The following TCF12 variants were observed in gnomAD, a reference collection of about 807,000 sequenced individuals.
The protein encoded by TCF12 is transcription factor 12.
A neutral mutation model predicts 86.0 loss-of-function variants in TCF12; 45 were observed. The observed-to-expected ratio is 0.52, with a 90% CI of 0.41 to 0.67. TCF12 has a LOEUF of 0.67. TCF12 is among the 30% of genes least tolerant of loss of function. TCF12 has a pLI of 0.00. For synonymous variants in TCF12, 330 were observed against 299.6 expected (o/e 1.10, Z -1.05); for missense variants, 881 against 859.9 (o/e 1.02, Z -0.31).
chr15:57,170,682 TATATATAATATATATTATATATA>T (rs1567558080), intron 6 of TCF12, among the ~76,000 whole-genome samples: 236 of 13,018 alleles, frequency 0.018, 3 homozygotes, highest in Admixed American at 0.028. Flanking sequence ...TATAATATAT[TATATATAATATATATTATATATA>T]ATATATAATA....
chr15:57,182,574 A>G (rs1306104629), intron 6 of TCF12, among the ~76,000 whole-genome samples: 1 of 152,152 alleles, frequency 6.6e-6, no homozygotes, highest in Non-Finnish European at 1.5e-5. Context: ...ATGGATCATG[A>G]TACAGACTAA....
At chr15:57,168,146 TA>T (rs199522052) in intron 6 of TCF12, among the ~76,000 whole-genome samples, 1 of 151,100 alleles carries the variant, frequency 6.6e-6, no homozygotes, top group Non-Finnish European at 1.5e-5. Context: ...ATTGCATCTC[TA>T]AAAAAAAATA....
Position 57,148,945 on chromosome 15 carries a change from G to A in TCF12, c.326-17457G>A, listed in dbSNP as rs188288374. Among the ~76,000 whole-genome samples, 12 of 152,252 alleles carry A rather than the reference G, an allele frequency of 7.9e-5. 1 individual carries two copies. The highest frequency in any genetic ancestry group is 4.6e-4 in the Admixed American group (7 of 15,302). On this transcript the variant is annotated intron_variant, in intron 5 of 20. Transcript: ENST00000333725. ...ACAACAACGTGACCAGTTTTCCCACGTGAGACGGGTCTAGGTGTAGTCTTA... is the reference window on the plus strand; with the variant it reads ...ACAACAACGTGACCAGTTTTCCCACATGAGACGGGTCTAGGTGTAGTCTTA...
chr15:57,011,716 C>G (rs2064841376), intron 3 of TCF12, among the ~76,000 whole-genome samples: 1 of 152,100 alleles, frequency 6.6e-6, no homozygotes, highest in Non-Finnish European at 1.5e-5. Context: ...ATGCTAATTA[C>G]AGGACCCCCC....
intron 3 of TCF12, among the ~76,000 whole-genome samples, chr15:56,963,027 C>CTTTTTT (rs532973260): frequency 1.0e-5 from 1 of 96,232 alleles, no homozygotes; most frequent in African/African-American, 3.7e-5. Context: ...GTGTTAAGGT[C>CTTTTTT]TTTTTTTTTT....
At chr15:57,232,184 A>G in intron 9 of TCF12, 107 bp from the exon 10 acceptor site, 1 of 1,247,524 alleles carries the variant, frequency 8.0e-7, no homozygotes, top group Non-Finnish European at 1.1e-6. Context: ...AGGTTGGAAA[A>G]GGGAGGAAAA....
In TCF12 at chr15:56,937,561, G is replaced by A. The variant is rs189906527; in HGVS notation, c.148+16463G>A. Reference sequence around the variant, plus strand: ...GCCCTTTTTCTTTCTTTCTCTTGTCGGGTTCTCTGGCTAGGACTATATTGA... The same window carrying A: ...GCCCTTTTTCTTTCTTTCTCTTGTCAGGTTCTCTGGCTAGGACTATATTGA... On this transcript the variant is annotated intron_variant, in intron 3 of 20. Coordinates refer to ENST00000333725, the MANE Select transcript of TCF12 (RefSeq NM_207037.2). Among the ~76,000 whole-genome samples the A allele has an allele frequency of 7.9e-5, 12 of 151,546 alleles. No homozygotes were observed. The East Asian group carries it at 2.1e-3, about 27-fold the overall frequency.
At chr15:57,123,183 T>A (rs1205008866) in intron 5 of TCF12, among the ~76,000 whole-genome samples, 2 of 152,254 alleles carry the variant, frequency 1.3e-5, no homozygotes, top group Non-Finnish European at 2.9e-5. Flanking sequence ...TGCTTTTACA[T>A]GGCTTTGATG....
At chr15:57,012,568 G>C (rs1320140373) in intron 3 of TCF12, among the ~76,000 whole-genome samples, 3 of 152,206 alleles carry the variant, frequency 2.0e-5, no homozygotes, top group African/African-American at 7.2e-5. Context: ...GATATTCATT[G>C]AGTACCCTTT....
chr15:56,966,333 T>A (rs12901780), intron 3 of TCF12, among the ~76,000 whole-genome samples: 58,965 of 152,020 alleles, frequency 0.39, 14,228 homozygotes, highest in Non-Finnish European at 0.53. Flanking sequence ...GCAGAAAACC[T>A]AGGTTTTGCC....
At chr15:57,202,572 A>T (rs1317299526) in intron 8 of TCF12, among the ~76,000 whole-genome samples, 5 of 151,740 alleles carry the variant, frequency 3.3e-5, no homozygotes, top group African/African-American at 1.2e-4. Flanking sequence ...AGTAGCTGGG[A>T]CTACAGGTGC....
At chr15:57,238,527 C>G (rs1282561637) in intron 12 of TCF12, among the ~76,000 whole-genome samples, 1 of 152,128 alleles carries the variant, frequency 6.6e-6, no homozygotes, top group African/African-American at 2.4e-5. Context: ...AAGCTTATGC[C>G]ATAAAACTGA....
At chr15:57,222,392 G>T (rs1378148215) in intron 8 of TCF12, among the ~76,000 whole-genome samples, 1 of 151,790 alleles carries the variant, frequency 6.6e-6, no homozygotes, top group Non-Finnish European at 1.5e-5. Context: ...ACAGACTTGG[G>T]CATGTAGGTG....
intron 3 of TCF12, among the ~76,000 whole-genome samples, chr15:56,954,815 A>G (rs1192421428): frequency 1.3e-5 from 2 of 152,240 alleles, no homozygotes; most frequent in African/African-American, 2.4e-5. Flanking sequence ...GACACATGAA[A>G]AAATGCTCAT....
chr15:57,224,831 T>C (rs1413067390), intron 8 of TCF12, among the ~76,000 whole-genome samples: 2 of 152,166 alleles, frequency 1.3e-5, no homozygotes, highest in Non-Finnish European at 2.9e-5. Context: ...AGTCAGTCTT[T>C]GTACTTCAGA....
At chr15:56,990,929 G>A (rs1289542356) in intron 3 of TCF12, among the ~76,000 whole-genome samples, 2 of 151,814 alleles carry the variant, frequency 1.3e-5, no homozygotes, top group Non-Finnish European at 2.9e-5. Context: ...ACAGTAGCTG[G>A]GGCCACAGAT....
chr15:56,948,942 T>A (rs915927132), intron 3 of TCF12, among the ~76,000 whole-genome samples: 1 of 152,164 alleles, frequency 6.6e-6, no homozygotes, highest in Non-Finnish European at 1.5e-5. Context: ...TACCTTTAAG[T>A]TAACTGAGTT....
In TCF12 at chr15:57,288,169, T is replaced by A. The variant is rs1441640395; in HGVS notation, c.*2024T>A. On this transcript the variant is annotated 3_prime_UTR_variant, in exon 21 of 21. Transcript: ENST00000333725. ...AAAAGTTTCTTACTTTATTTTATTATATTAGGTAGTAAAAAATGTAGGGTT... is the reference window on the plus strand; with the variant it reads ...AAAAGTTTCTTACTTTATTTTATTAAATTAGGTAGTAAAAAATGTAGGGTT... 2 of 152,624 alleles carry A rather than the reference T, an allele frequency of 1.3e-5. No homozygotes were observed. Among genetic ancestry groups the A allele is most frequent in the Admixed American group, 6.5e-5 (1 of 15,282 alleles). The allele number at this position is 152,624 out of a possible 1,614,324, so 9.5% of individuals were successfully genotyped here. A position where few individuals can be genotyped will look rare whatever the true frequency, so the allele number is the denominator to read the frequency against.
At chr15:57,083,132 G>A (rs954941859) in intron 4 of TCF12, among the ~76,000 whole-genome samples, 3 of 152,120 alleles carry the variant, frequency 2.0e-5, no homozygotes, top group Non-Finnish European at 2.9e-5. Flanking sequence ...ATTAAGTAAT[G>A]TGTGAAAATG....
Sources: gnomAD v4.1 joint callset for allele counts (sites outside exome capture counted in the v4.1 genomes callset) on GRCh38, gnomAD v4.1.1 for gene constraint, MANE v1.5 for transcripts, NCBI Gene and HGNC (gene_info 2026-07-23, HGNC 2026-07-21) for gene names.